Variants in JAM2 observed in about 807,000 individuals in gnomAD.
JAM2 encodes junctional adhesion molecule B.
In JAM2, 17 loss-of-function variants were observed where a neutral mutation model predicts 42.0. That is an observed-to-expected ratio of 0.40 (90% CI 0.28 to 0.61). The LOEUF (loss-of-function observed/expected upper bound fraction) is 0.61, where lower values mean the gene tolerates loss of function less well. Ranked by LOEUF, JAM2 falls within the 20% of genes least tolerant of loss-of-function variation. The pLI, the probability that JAM2 is intolerant of heterozygous loss-of-function variation, is 0.37. For missense variants in JAM2, 319 were observed against 358.3 expected, an observed-to-expected ratio of 0.89 and a Z score of 0.89; for synonymous variants, 118 against 128.6, an observed-to-expected ratio of 0.92 and a Z score of 0.56.
chr21:25,640,462 A>T (rs976940824), intron 1 of JAM2, among the ~76,000 whole-genome samples: 1 of 152,216 alleles, frequency 6.6e-6, no homozygotes, highest in Non-Finnish European at 1.5e-5. Context: ...CACTTAGAGA[A>T]GTCTGGTCTG....
At chr21:25,668,636 G>A (rs1437315685) in intron 1 of JAM2, among the ~76,000 whole-genome samples, 2 of 152,332 alleles carry the variant, frequency 1.3e-5, no homozygotes, top group East Asian at 3.9e-4. Flanking sequence ...ATATTTGGAT[G>A]TAGAGTTTGA....
intron 1 of JAM2, among the ~76,000 whole-genome samples, chr21:25,680,515 T>C (rs2829860): frequency 0.23 from 35,347 of 152,168 alleles, 4,517 homozygotes; most frequent in East Asian, 0.5. Context: ...ATGCTTTACA[T>C]AGAGATGGGA....
intron 1 of JAM2, among the ~76,000 whole-genome samples, chr21:25,673,783 A>G (rs573133804): frequency 1.3e-5 from 2 of 152,258 alleles, no homozygotes; most frequent in Admixed American, 6.5e-5. Flanking sequence ...CTCAATTGTC[A>G]TATCTCTTGA....
intron 1 of JAM2, among the ~76,000 whole-genome samples, chr21:25,683,159 T>C (rs79903971): frequency 6.6e-6 from 1 of 152,030 alleles, no homozygotes; most frequent in African/African-American, 2.4e-5. Context: ...ACCCAGTACT[T>C]CCTGTCTCCT....
chr21:25,687,961 T>C (rs1400032935), intron 2 of JAM2, among the ~76,000 whole-genome samples: 1 of 152,364 alleles, frequency 6.6e-6, no homozygotes, highest in South Asian at 2.1e-4. Flanking sequence ...GTTTCTTGTT[T>C]ATCTGACTTC....
intron 1 of JAM2, among the ~76,000 whole-genome samples, chr21:25,679,163 G>T (rs1309174577): frequency 1.3e-5 from 2 of 152,176 alleles, no homozygotes; most frequent in Non-Finnish European, 2.9e-5. Context: ...CCTTAAGAGT[G>T]ATAAAATCTA....
chr21:25,681,979 C>G (rs1471719492), intron 1 of JAM2, among the ~76,000 whole-genome samples: 1 of 151,946 alleles, frequency 6.6e-6, no homozygotes, highest in African/African-American at 2.4e-5. Context: ...GAGACTCCGT[C>G]TCAAAAAAAA....
In JAM2 at chr21:25,717,545, T is replaced by A; in HGVS notation, c.*2873T>A. ...CACAGGTGGCTTTGTTCGATTAAAG[T>A]CTACACTAATAAAAATAGCTGAACT... On this transcript the variant is annotated 3_prime_UTR_variant, in exon 10 of 10. Coordinates refer to ENST00000480456, the MANE Select transcript of JAM2 (RefSeq NM_021219.4). The A allele has an allele frequency of 3.0e-6, 4 of 1,329,920 alleles. No homozygotes were observed. Among genetic ancestry groups the A allele is most frequent in the African/African-American group, 1.5e-5 (1 of 67,140 alleles). 82.4% of individuals were successfully genotyped at this position (1,329,920 alleles called of 1,614,324 possible).
intron 8 of JAM2, chr21:25,710,241 T>C (rs996410868): frequency 3.3e-5 from 5 of 152,232 alleles, no homozygotes; most frequent in Non-Finnish European, 5.9e-5. Context: ...CAGTCATTTT[T>C]TTATATTAAT....
At chr21:25,681,201 G>A (rs944234007) in intron 1 of JAM2, among the ~76,000 whole-genome samples, 5 of 152,164 alleles carry the variant, frequency 3.3e-5, no homozygotes, top group African/African-American at 4.8e-5. Context: ...AATAACGAAG[G>A]ACAGCAGTTG....
chr21:25,668,374 CT>C (rs1405609478), intron 1 of JAM2, among the ~76,000 whole-genome samples: 1 of 152,118 alleles, frequency 6.6e-6, no homozygotes, highest in East Asian at 1.9e-4. Flanking sequence ...AGTCAGGAGG[CT>C]ATTGTAGCAA....
In JAM2 at chr21:25,639,720, T is replaced by C; in HGVS notation, c.-102T>C. On this transcript the variant is annotated 5_prime_UTR_variant, in exon 1 of 10. Transcript: ENST00000480456. ...TCCTCTTCCTCCCCTCCCGACTCTCTGCTCCTTTCCCGCCCCAGAAGTTCA... is the reference window on the plus strand; with the variant it reads ...TCCTCTTCCTCCCCTCCCGACTCTCCGCTCCTTTCCCGCCCCAGAAGTTCA... 1 of 703,618 alleles carries C rather than the reference T, an allele frequency of 1.4e-6. No individual in the cohort carries two copies. Among genetic ancestry groups the C allele is most frequent in the Non-Finnish European group, 2.4e-6 (1 of 420,920 alleles). 43.6% of individuals were successfully genotyped at this position (703,618 alleles called of 1,614,324 possible). A position where few individuals can be genotyped will look rare whatever the true frequency, so the allele number is the denominator to read the frequency against.
At chr21:25,675,682 C>G (rs2033471975) in intron 1 of JAM2, among the ~76,000 whole-genome samples, 1 of 152,020 alleles carries the variant, frequency 6.6e-6, no homozygotes, top group South Asian at 2.1e-4. Flanking sequence ...ACAACCAGAT[C>G]TCAGGAGAGC....
intron 7 of JAM2, 103 bp from the exon 8 acceptor site, chr21:25,709,331 T>A: frequency 1.5e-6 from 1 of 657,664 alleles, no homozygotes; most frequent in South Asian, 3.2e-5. Flanking sequence ...CAAGTGAAGA[T>A]TAAAATTAAT....
intron 1 of JAM2, among the ~76,000 whole-genome samples, chr21:25,657,550 C>T (rs1339127324): frequency 6.6e-6 from 1 of 151,962 alleles, no homozygotes; most frequent in Non-Finnish European, 1.5e-5. Context: ...TATATCTAAC[C>T]ACAAACGTCA....
chr21:25,689,201 A>G (rs1479294757), intron 2 of JAM2, among the ~76,000 whole-genome samples: 2 of 152,216 alleles, frequency 1.3e-5, no homozygotes, highest in African/African-American at 4.8e-5. Flanking sequence ...GGACTGAGGC[A>G]AGGTTATATA....
At chr21:25,690,305 T>TCTTC (rs138850947) in intron 3 of JAM2, among the ~76,000 whole-genome samples, 21,014 of 150,540 alleles carry the variant, frequency 0.14, 1,565 homozygotes, top group South Asian at 0.2. Flanking sequence ...TCTTTCTTTC[T>TCTTC]CTTCCTTCCT....
chr21:25,705,078 A>C (rs905663564), intron 6 of JAM2, among the ~76,000 whole-genome samples: 4 of 152,242 alleles, frequency 2.6e-5, no homozygotes, highest in Admixed American at 1.3e-4. Flanking sequence ...CAGAGAATTT[A>C]ATTCATTTTT....
chr21:25,697,415 C>T (rs1010833947), intron 4 of JAM2, among the ~76,000 whole-genome samples: 2 of 152,234 alleles, frequency 1.3e-5, no homozygotes, highest in Non-Finnish European at 2.9e-5. Context: ...AGAAATACTG[C>T]AATCTTGGGA....
Sources: allele counts gnomAD v4.1 joint callset (sites outside exome capture counted in the v4.1 genomes callset), GRCh38; gene constraint gnomAD v4.1.1; transcripts MANE v1.5; gene names NCBI Gene and HGNC (gene_info 2026-07-23, HGNC 2026-07-21).